Variants in KHDRBS2 observed in about 807,000 individuals in gnomAD.
KHDRBS2 encodes KH RNA binding domain containing, signal transduction associated 2.
A neutral mutation model predicts 44.3 loss-of-function variants in KHDRBS2; 26 were observed. The ratio of observed to expected loss-of-function variants is 0.59; its 90% CI spans 0.43 to 0.81. KHDRBS2 has a LOEUF of 0.81. Ranked by LOEUF, KHDRBS2 falls within the 40% of genes least tolerant of loss-of-function variation. The pLI is 0.00. For synonymous variants in KHDRBS2, 194 were observed against 151.1 expected, an observed-to-expected ratio of 1.28 and a Z score of -2.08; for missense variants, 476 against 433.1, an observed-to-expected ratio of 1.10 and a Z score of -0.88.
At chr6:62,246,029 A>G (rs1273752980) in intron 1 of KHDRBS2, among the ~76,000 whole-genome samples, 2 of 150,704 alleles carry the variant, frequency 1.3e-5, no homozygotes, top group Non-Finnish European at 3.0e-5. Flanking sequence ...CAAGAAAGTA[A>G]AGGTGACTTT....
At chr6:62,065,246 C>G (rs934327152) in intron 2 of KHDRBS2, among the ~76,000 whole-genome samples, 1 of 152,142 alleles carries the variant, frequency 6.6e-6, no homozygotes, top group African/African-American at 2.4e-5. Context: ...GGATCTAGAA[C>G]TACAAATACC....
intron 2 of KHDRBS2, among the ~76,000 whole-genome samples, chr6:62,158,430 T>C (rs1156531732): frequency 6.6e-6 from 1 of 152,178 alleles, no homozygotes; most frequent in Non-Finnish European, 1.5e-5. Context: ...AAGGTGTTTA[T>C]GAAACTTCCC....
At chr6:62,103,263 C>T (rs1314555731) in intron 2 of KHDRBS2, among the ~76,000 whole-genome samples, 2 of 152,134 alleles carry the variant, frequency 1.3e-5, no homozygotes, top group Non-Finnish European at 2.9e-5. Flanking sequence ...CTGTCTGCCT[C>T]TTGCTGAGAT....
chr6:62,049,817 T>C (rs1239807171), intron 2 of KHDRBS2, among the ~76,000 whole-genome samples: 1 of 152,034 alleles, frequency 6.6e-6, no homozygotes, highest in African/African-American at 2.4e-5. Context: ...TGTGAAGAAA[T>C]AAGAATGCTT....
chr6:61,885,071 A>G (rs1169307044), intron 6 of KHDRBS2, among the ~76,000 whole-genome samples: 1 of 152,164 alleles, frequency 6.6e-6, no homozygotes, highest in Admixed American at 6.6e-5. Flanking sequence ...TGAAAACACT[A>G]TTAACATCAC....
chr6:61,798,797 A>T (rs1356190901), intron 6 of KHDRBS2, among the ~76,000 whole-genome samples: 7 of 151,988 alleles, frequency 4.6e-5, no homozygotes, highest in Non-Finnish European at 1.0e-4. Flanking sequence ...AAAAAATGCA[A>T]CATATTTTTA....
the KHDRBS2 span, among the ~76,000 whole-genome samples, chr6:61,648,734 G>A: frequency 1.3e-5 from 2 of 152,132 alleles, no homozygotes; most frequent in Non-Finnish European, 2.9e-5. Context: ...AGAAGCCAAC[G>A]TGTGGCCTGA....
chr6:61,732,728 G>T lies in KHDRBS2; in HGVS notation c.847C>A (p.Gln283Lys). ...DDGYGGEYDD[Q>K]TYETYDNSYA... is the part of the protein sequence containing the mutation. Reference sequence around the variant, plus strand: ...CTGTTATCATAAGTCTCATAGGTCTGGTCATCATATTCACCCCCGTAGCCA... The same window carrying T: ...CTGTTATCATAAGTCTCATAGGTCTTGTCATCATATTCACCCCCGTAGCCA... Residue 283 changes from glutamine to lysine, a missense_variant, in exon 7 of 9, where the codon CAG (glutamine) becomes AAG (lysine). Coordinates refer to ENST00000281156, the MANE Select transcript of KHDRBS2 (RefSeq NM_152688.4). The T allele has an allele frequency of 1.2e-6, 2 of 1,611,620 alleles. No individual in the cohort carries two copies. The highest frequency in any genetic ancestry group is 1.7e-6 in the Non-Finnish European group (2 of 1,177,920).
At chr6:62,043,232 A>AC (rs1209674985) in intron 3 of KHDRBS2, among the ~76,000 whole-genome samples, 1 of 151,586 alleles carries the variant, frequency 6.6e-6, no homozygotes, top group African/African-American at 2.4e-5. Flanking sequence ...TGCCATCAAC[A>AC]CCCCCCAAAA....
Position 62,082,206 on chromosome 6 carries a change from A to G in KHDRBS2, c.220-34212T>C, listed in dbSNP as rs1028315978. Among the ~76,000 whole-genome samples, 16 of 152,196 alleles carry G rather than the reference A, an allele frequency of 1.1e-4. 1 individual carries two copies. The South Asian group carries it at 2.1e-3, about 20-fold the overall frequency. The stretch of plus-strand genomic sequence containing the variant: ...CAGTTAATCTGACTTCCAGACTAAG[A>G]AAAATTAGGAAACAAAATGATTAAA... On this transcript the variant is annotated intron_variant, in intron 2 of 8. Transcript: ENST00000281156.
chr6:62,042,440 GT>G (rs1786733186), intron 3 of KHDRBS2, among the ~76,000 whole-genome samples: 1 of 152,070 alleles, frequency 6.6e-6, no homozygotes. Flanking sequence ...TAAAATGAAA[GT>G]CAGGGTGTCT....
intron 2 of KHDRBS2, among the ~76,000 whole-genome samples, chr6:62,089,151 C>T (rs1223605859): frequency 6.6e-6 from 1 of 151,354 alleles, no homozygotes; most frequent in African/African-American, 2.4e-5. Flanking sequence ...TCTCAGCTTG[C>T]TAGGCTCTGT....
At chr6:62,016,175 G>T (rs1781170127) in intron 3 of KHDRBS2, among the ~76,000 whole-genome samples, 1 of 151,936 alleles carries the variant, frequency 6.6e-6, no homozygotes, top group African/African-American at 2.4e-5. Context: ...CTTATACTTG[G>T]GAATTTCACC....
intron 2 of KHDRBS2, among the ~76,000 whole-genome samples, chr6:62,166,929 A>C (rs1818820248): frequency 6.6e-6 from 1 of 152,084 alleles, no homozygotes. Context: ...ATGAACAAAC[A>C]AACAAATGAA....
chr6:61,813,998 C>G, intron 6 of KHDRBS2: 1 of 455,952 alleles, frequency 2.2e-6, no homozygotes, highest in Non-Finnish European at 4.4e-6. Context: ...AAGCTTCGTC[C>G]TGGGTTAAGT....
the KHDRBS2 span, among the ~76,000 whole-genome samples, chr6:61,613,904 A>T: frequency 6.6e-6 from 1 of 152,190 alleles, no homozygotes; most frequent in Non-Finnish European, 1.5e-5. Flanking sequence ...ATATTTTCTG[A>T]CCGTCTCTCT....
the KHDRBS2 span, among the ~76,000 whole-genome samples, chr6:61,569,657 T>A: frequency 3.3e-5 from 5 of 152,242 alleles, no homozygotes; most frequent in Non-Finnish European, 5.9e-5. Context: ...AACCAAAGAC[T>A]TCCACAGAGT....
At chr6:61,922,447 G>C (rs1033182255) in intron 4 of KHDRBS2, among the ~76,000 whole-genome samples, 1 of 152,018 alleles carries the variant, frequency 6.6e-6, no homozygotes, top group Admixed American at 6.6e-5. Context: ...GAACAACAAA[G>C]AGCTGCAAAA....
chr6:62,226,196 T>A (rs1401391055), intron 1 of KHDRBS2, among the ~76,000 whole-genome samples: 1 of 152,138 alleles, frequency 6.6e-6, no homozygotes, highest in East Asian at 1.9e-4. Flanking sequence ...CTCGACAGCA[T>A]GTATAGTTTC....
Sources: allele counts gnomAD v4.1 joint callset (sites outside exome capture counted in the v4.1 genomes callset), GRCh38; gene constraint gnomAD v4.1.1; transcripts MANE v1.5; gene names NCBI Gene and HGNC (gene_info 2026-07-23, HGNC 2026-07-21).